The following CDK4 variants were observed in gnomAD, a reference collection of about 807,000 sequenced individuals.
The protein encoded by CDK4 is cyclin-dependent kinase 4.
A neutral mutation model predicts 36.7 loss-of-function variants in CDK4; 13 were observed. The observed-to-expected ratio is 0.35, with a 90% CI of 0.23 to 0.56. The LOEUF (loss-of-function observed/expected upper bound fraction) is 0.56. Ranked by LOEUF, CDK4 falls within the 20% of genes least tolerant of loss-of-function variation. The pLI, the probability that CDK4 is intolerant of heterozygous loss-of-function variation, is 0.85. For synonymous variants in CDK4, 158 were observed against 146.4 expected, an observed-to-expected ratio of 1.08 and a Z score of -0.57; for missense variants, 285 against 387.3, an observed-to-expected ratio of 0.74 and a Z score of 2.22.
Position 57,751,926 on chromosome 12 carries a change from T to C in CDK4, c.-19-190A>G. ...CTCAATACCAACCCCTCCAGCCACG[T>C]GAGGCCCTGCAATAGAAAACGCTTT... is the stretch of plus-strand genomic sequence containing the variant. On this transcript the variant is annotated intron_variant, in intron 1 of 7. Transcript: ENST00000257904. This position sits in a 1 kb window ranked among gnomAD's most constrained non-coding sequence, Gnocchi z 4.5. 1 of 606,926 alleles carries C rather than the reference T, an allele frequency of 1.6e-6. No individual in the cohort carries two copies. The allele number at this position is 606,926 out of a possible 1,614,324, so 37.6% of individuals were successfully genotyped here.
At position 57,751,669 on chromosome 12, in the gene CDK4, A is replaced by G. The variant is rs1555201383; in HGVS notation, c.49T>C (p.Tyr17His). 5 of 1,614,178 alleles carry G rather than the reference A, an allele frequency of 3.1e-6. No homozygotes were observed. Among genetic ancestry groups the G allele is most frequent in the Non-Finnish European group, 4.2e-6 (5 of 1,180,030 alleles). Residue 17 changes from tyrosine (Y) to histidine (H), a missense_variant, in exon 2 of 8, where the codon TAT (tyrosine) becomes CAT (histidine). Coordinates refer to ENST00000257904, the MANE Select transcript of CDK4 (RefSeq NM_000075.4). The surrounding 1 kb of genome is among the most constrained non-coding windows in gnomAD (Gnocchi z 4.5). ...EPVAEIGVGA[Y>H]GTVYKARDPH... ...TCACGGGCCTTGTACACTGTCCCAT[A>G]GGCACCGACACCAATTTCAGCCACT...
In CDK4 at chr12:57,748,507, T is replaced by C. The variant is rs373442519; in HGVS notation, c.*18A>G. 3.2e-6 allele frequency: 5 copies of C among 1,576,092 alleles called. No homozygotes were observed. Among genetic ancestry groups the C allele is most frequent in the Middle Eastern group, 1.7e-4 (1 of 5,964 alleles). On this transcript the variant is annotated 3_prime_UTR_variant, in exon 8 of 8. Coordinates refer to ENST00000257904, the MANE Select transcript of CDK4 (RefSeq NM_000075.4). ...GAAATGGCAGCTTTTCTTCCTTCCA[T>C]GGCAGCCACTCCATTGCTCACTCCG...
Position 57,748,171 on chromosome 12 carries a change from G to A in CDK4, c.*354C>T, listed in dbSNP as rs1475994409. On this transcript the variant is annotated 3_prime_UTR_variant, in exon 8 of 8. Coordinates refer to ENST00000257904, the MANE Select transcript of CDK4 (RefSeq NM_000075.4). ...TTTGCAGGAAAGTCCCTTCTTCCAA[G>A]TGGTTTTTCCAAATCGCACAATGGC... The A allele has an allele frequency of 2.9e-6, 1 of 349,610 alleles. No homozygotes were observed. Among genetic ancestry groups the A allele is most frequent in the Non-Finnish European group, 5.3e-6 (1 of 188,244 alleles). The allele number at this position is 349,610 out of a possible 1,614,324, so 21.7% of individuals were successfully genotyped here. A position where few individuals can be genotyped will look rare whatever the true frequency, so the allele number is the denominator to read the frequency against.
intron 5 of CDK4, 151 bp from the exon 6 acceptor site, chr12:57,749,655 C>A (rs1955208730): frequency 6.6e-6 from 5 of 760,360 alleles, no homozygotes; most frequent in Non-Finnish European, 1.2e-5. Context: ...CTGCTTGAGC[C>A]CAGGAGTTCT....
chr12:57,750,857 AT>A, intron 4 of CDK4, 65 bp downstream of exon 4: 1 of 1,600,790 alleles, frequency 6.2e-7, no homozygotes, highest in Non-Finnish European at 8.6e-7. Flanking sequence ...TGACTTCTCA[AT>A]TGCTACGGGC....
In CDK4 at chr12:57,751,438, CCCCACCTATAGGCTGTCTTTT is replaced by C; in HGVS notation, c.218+41_218+61del. 1.9e-6 allele frequency: 3 copies of C among 1,607,980 alleles called. No homozygotes were observed. In the East Asian group the frequency reaches 6.7e-5, roughly 36 times the overall value. On this transcript the variant is annotated intron_variant, in intron 2 of 7. Transcript: ENST00000257904. This position sits in a 1 kb window ranked among gnomAD's most constrained non-coding sequence, Gnocchi z 4.5. ...CCCCACTTCTCTACAGATCATCACA[CCCCACCTATAGGCTGTCTTTT>C]CCCTTTACTCCCCACGCCCAACCCT...
rs756332985 is a variant in CDK4, at chr12:57,751,172, C to A, written c.354+35G>T. The A allele has an allele frequency of 1.9e-6, 3 of 1,614,204 alleles. No homozygotes were observed. The highest frequency in any genetic ancestry group is 2.5e-6 in the Non-Finnish European group (3 of 1,180,034). The stretch of plus-strand genomic sequence containing the variant: ...CCAGAAGGTTCTACTACAAAGGTCC[C>A]AATCCACCTCTCAATGCCTACCAAC... On this transcript the variant is annotated intron_variant, in intron 3 of 7. Coordinates refer to ENST00000257904, the MANE Select transcript of CDK4 (RefSeq NM_000075.4). This position sits in a 1 kb window ranked among gnomAD's most constrained non-coding sequence, Gnocchi z 4.5.
chr12:57,752,107 AC>A (rs1955244394), intron 1 of CDK4, 67 bp downstream of exon 1: 2 of 336,654 alleles, frequency 5.9e-6, no homozygotes, highest in South Asian at 5.1e-5. Flanking sequence ...AGCTCGCGAA[AC>A]GAACGCGTGG....
In CDK4 at chr12:57,749,248, G is replaced by T. The variant is rs757333818; in HGVS notation, c.753C>A (p.Pro251=). The stretch of plus-strand genomic sequence containing the variant: ...CCGACTGCACTGGGCGGGGCCCTCT[G>T]GGGGGAAAGGCTCCACGGGGCAGGG... ...DVSLPRGAFP[P]RGPRPVQSVV... is the part of the protein sequence containing the mutation. The change falls in exon 7 of 8, where the codon CCC becomes CCA. Residue 251 remains proline (P), a synonymous_variant. Transcript: ENST00000257904. 6.2e-6 allele frequency: 10 copies of T among 1,613,934 alleles called. No homozygotes were observed. The highest frequency in any genetic ancestry group is 2.7e-5 in the African/African-American group (2 of 74,936).
chr12:57,748,251 G>T lies in CDK4; in HGVS notation c.*274C>A, dbSNP rs3180722. The T allele has an allele frequency of 8.1e-6, 3 of 370,756 alleles. No individual in the cohort carries two copies. The highest frequency in any genetic ancestry group is 1.0e-5 in the Non-Finnish European group (2 of 199,142). The allele number at this position is 370,756 out of a possible 1,614,324, so 23.0% of individuals were successfully genotyped here. A position where few individuals can be genotyped will look rare whatever the true frequency, so the allele number is the denominator to read the frequency against. On this transcript the variant is annotated 3_prime_UTR_variant, in exon 8 of 8. Coordinates refer to ENST00000257904, the MANE Select transcript of CDK4 (RefSeq NM_000075.4). The stretch of plus-strand genomic sequence containing the variant: ...AAAAAAAAAAGACCATTATTTCTTT[G>T]TTTTGTTTTTCCTGTATAAAAAAGG...
chr12:57,749,952 G>A (rs1030128193), intron 5 of CDK4: 25 of 208,266 alleles, frequency 1.2e-4, no homozygotes, highest in Non-Finnish European at 1.7e-4. Flanking sequence ...AGCAGAGATC[G>A]CACTACTGCA....
rs532565712 is a variant in CDK4 at position 57,750,997 on chromosome 12, T to G, written c.448A>C (p.Ser150Arg). The G allele has an allele frequency of 1.2e-6, 2 of 1,613,920 alleles. No individual in the cohort carries two copies. Among genetic ancestry groups the G allele is most frequent in the Non-Finnish European group, 1.7e-6 (2 of 1,180,012 alleles). ...DLKPENILVT[S>R]GGTVKLADFG... is the part of the protein sequence containing the mutation. ...TCAGCCAGCTTGACTGTTCCACCACTTGTCACCAGAATGTTCTCTGGCTTC... is the reference window on the plus strand; with the variant it reads ...TCAGCCAGCTTGACTGTTCCACCACGTGTCACCAGAATGTTCTCTGGCTTC... The change falls in exon 4 of 8, where the codon AGT (serine) becomes CGT (arginine). Residue 150 changes from serine (S) to arginine (R), a missense_variant. Physicochemically the swap from Ser to Arg is moderately radical, Grantham distance 110. Coordinates refer to ENST00000257904, the MANE Select transcript of CDK4 (RefSeq NM_000075.4).
At position 57,748,789 on chromosome 12, in the gene CDK4, T is replaced by A. The variant is rs1955192515; in HGVS notation, c.820-172A>T. On this transcript the variant is annotated intron_variant, in intron 7 of 7. Coordinates refer to ENST00000257904, the MANE Select transcript of CDK4 (RefSeq NM_000075.4). ...GGTATGATCTCAGCTCACTGCAACC[T>A]CCGCCTCCTGAGTTGAAGTGATTCT... is the stretch of plus-strand genomic sequence containing the variant. 7.0e-5 allele frequency: 42 copies of A among 596,674 alleles called. No homozygotes were observed. The East Asian group carries it at 1.2e-3, about 18-fold the overall frequency. 37.0% of individuals were successfully genotyped at this position (596,674 alleles called of 1,614,324 possible).
In CDK4 at chr12:57,749,491, C is replaced by T. The variant is rs1955206422; in HGVS notation, c.646G>A (p.Gly216Arg). ...CCCAACTGGTCGGCTTCAGAGTTTCCACAGAAGAGAGGCCTAAGGTGAGAA... is the reference window on the plus strand; with the variant it reads ...CCCAACTGGTCGGCTTCAGAGTTTCTACAGAAGAGAGGCCTAAGGTGAGAA... The part of the protein sequence containing the change: ...EMFRRKPLFC[G>R]NSEADQLGKI... Residue 216 changes from glycine to arginine, a missense_variant, in exon 6 of 8, where the codon GGA (glycine) becomes AGA (arginine). By Grantham distance (125) the Gly-to-Arg change is moderately radical. Transcript: ENST00000257904. The T allele has an allele frequency of 1.2e-6, 2 of 1,614,168 alleles. No individual in the cohort carries two copies. Among genetic ancestry groups the T allele is most frequent in the African/African-American group, 1.3e-5 (1 of 75,040 alleles).
Position 57,751,600 on chromosome 12 carries a change from G to A in CDK4, c.118C>T (p.Pro40Ser), listed in dbSNP as rs761965434. 2.5e-6 allele frequency: 4 copies of A among 1,614,088 alleles called. No homozygotes were observed. In the South Asian group the frequency reaches 4.4e-5, roughly 18 times the overall value. Residue 40 changes from proline (P) to serine (S), a missense_variant, in exon 2 of 8, where the codon CCC becomes TCC. By Grantham distance (74) the Pro-to-Ser change is moderately conservative (BLOSUM62 -1). Coordinates refer to ENST00000257904, the MANE Select transcript of CDK4 (RefSeq NM_000075.4). The surrounding 1 kb of genome is among the most constrained non-coding windows in gnomAD (Gnocchi z 4.5). ...HFVALKSVRVPNGGGGGGGLP... is the reference protein window; with the variant it reads ...HFVALKSVRVSNGGGGGGGLP... ...CCTCCTCCACCTCCTCCTCCATTGG[G>A]GACTCTCACACTCTTGAGGGCCACA... is the stretch of plus-strand genomic sequence containing the variant.
rs761821146 is a variant in CDK4, at chr12:57,749,465, G to T, written c.672C>A (p.Gly224=). The stretch of plus-strand genomic sequence containing the variant: ...TGTTGGTCACTTACTCAAAGATTTT[G>T]CCCAACTGGTCGGCTTCAGAGTTTC... ...FCGNSEADQL[G]KIFDLIGLPP... is the part of the protein sequence containing the mutation. Residue 224 remains glycine (G), a synonymous_variant, in exon 6 of 8, where the codon GGC becomes GGA. Coordinates refer to ENST00000257904, the MANE Select transcript of CDK4 (RefSeq NM_000075.4). 2 of 1,614,178 alleles carry T rather than the reference G, an allele frequency of 1.2e-6. No homozygotes were observed. Among genetic ancestry groups the T allele is most frequent in the South Asian group, 1.1e-5 (1 of 91,086 alleles).
chr12:57,752,042 T>C, intron 1 of CDK4, 133 bp downstream of exon 1: 1 of 419,638 alleles, frequency 2.4e-6, no homozygotes, highest in Middle Eastern at 7.3e-4. Flanking sequence ...AAAATTATAC[T>C]TTCCCATGAC....
At position 57,751,755 on chromosome 12, in the gene CDK4, A is replaced by G; in HGVS notation, c.-19-19T>C. 6.3e-7 allele frequency: 1 copy of G among 1,591,776 alleles called. No homozygotes were observed. Among genetic ancestry groups the G allele is most frequent in the Non-Finnish European group, 8.6e-7 (1 of 1,161,126 alleles). ...GGAGACCCTACAATCACAGACTCCT[A>G]TCACCAAAAGTCGCTTACAGAGTTA... On this transcript the variant is annotated intron_variant, in intron 1 of 7. Transcript: ENST00000257904. The surrounding 1 kb of genome is among the most constrained non-coding windows in gnomAD (Gnocchi z 4.5).
chr12:57,749,040 T>C, intron 7 of CDK4, 142 bp downstream of exon 7: 1 of 1,040,400 alleles, frequency 9.6e-7, no homozygotes, highest in South Asian at 1.3e-5. Context: ...TCTCTGTGGG[T>C]GGCTATTTGC....
Sources: allele counts gnomAD v4.1 joint callset, GRCh38; gene constraint gnomAD v4.1.1; non-coding constraint Gnocchi (gnomAD v3.1); transcripts MANE v1.5; gene names NCBI Gene and HGNC (gene_info 2026-07-23, HGNC 2026-07-21).